The following TBC1D12 variants were observed in gnomAD, a reference collection of about 807,000 sequenced individuals.
TBC1D12 encodes TBC1 domain family, member 12.
In TBC1D12, 56 loss-of-function variants were observed where a neutral mutation model predicts 86.7. That is an observed-to-expected ratio of 0.65 (90% CI 0.52 to 0.81). TBC1D12 has a LOEUF of 0.81. Ranked by LOEUF, TBC1D12 falls within the 30% of genes least tolerant of loss-of-function variation. The pLI, the probability that TBC1D12 is intolerant of heterozygous loss-of-function variation, is 0.00. For missense variants in TBC1D12, 1,023 were observed against 1,038.8 expected, an observed-to-expected ratio of 0.98 and a Z score of 0.21; for synonymous variants, 421 against 411.7, an observed-to-expected ratio of 1.02 and a Z score of -0.27.
chr10:94,527,511 T>C (rs61075237), intron 11 of TBC1D12, among the ~76,000 whole-genome samples: 1 of 149,604 alleles, frequency 6.7e-6, no homozygotes, highest in African/African-American at 2.5e-5. Context: ...TTTTTTTTTT[T>C]ATGCTATTGA....
At chr10:94,480,655 C>G (rs2056063563) in intron 3 of TBC1D12, among the ~76,000 whole-genome samples, 1 of 151,416 alleles carries the variant, frequency 6.6e-6, no homozygotes, top group Non-Finnish European at 1.5e-5. Flanking sequence ...AGTTCAAGAC[C>G]AGCCTGGGCA....
chr10:94,505,049 TA>T (rs776378965), intron 6 of TBC1D12, among the ~76,000 whole-genome samples: 6 of 152,176 alleles, frequency 3.9e-5, no homozygotes, highest in Non-Finnish European at 7.3e-5. Flanking sequence ...ACCACATTTT[TA>T]TTATTAGATC....
chr10:94,506,160 C>G (rs1220235966), intron 6 of TBC1D12, among the ~76,000 whole-genome samples: 2 of 152,056 alleles, frequency 1.3e-5, no homozygotes, highest in African/African-American at 4.8e-5. Context: ...CCTCAGCCTC[C>G]CAAGTATCTG....
chr10:94,414,953 TATG>T (rs1367933427), intron 1 of TBC1D12, among the ~76,000 whole-genome samples: 1 of 152,214 alleles, frequency 6.6e-6, no homozygotes, highest in Non-Finnish European at 1.5e-5. Context: ...AGGTTGTTAG[TATG>T]ATAGTTTCAG....
At chr10:94,467,462 C>T (rs1232559686) in intron 2 of TBC1D12, among the ~76,000 whole-genome samples, 1 of 152,116 alleles carries the variant, frequency 6.6e-6, no homozygotes. Flanking sequence ...GAACTTCCGA[C>T]CTCAGGTGAG....
chr10:94,465,847 C>T (rs192637362), intron 2 of TBC1D12, among the ~76,000 whole-genome samples: 2 of 150,746 alleles, frequency 1.3e-5, no homozygotes, highest in Admixed American at 6.6e-5. Flanking sequence ...TACATATATA[C>T]GTACATGCAT....
chr10:94,430,504 A>T (rs977299041), intron 1 of TBC1D12, among the ~76,000 whole-genome samples: 2 of 152,218 alleles, frequency 1.3e-5, no homozygotes, highest in South Asian at 4.1e-4. Flanking sequence ...AATTTGCATG[A>T]TATCAATAAA....
At chr10:94,460,905 G>GT (rs1188787395) in intron 2 of TBC1D12, among the ~76,000 whole-genome samples, 1 of 151,780 alleles carries the variant, frequency 6.6e-6, no homozygotes, top group East Asian at 1.9e-4. Context: ...TTCTGTTCCA[G>GT]TTTTTTTAAT....
intron 9 of TBC1D12, among the ~76,000 whole-genome samples, chr10:94,520,304 G>A (rs1227729111): frequency 6.6e-6 from 1 of 152,008 alleles, no homozygotes; most frequent in African/African-American, 2.4e-5. Context: ...TGTAATCCCA[G>A]CACTTTGGGA....
Position 94,533,026 on chromosome 10 carries a change from AG to A in TBC1D12, c.2260del. On this transcript the variant is annotated splice_acceptor_variant, in intron 12 of 12. Coordinates refer to ENST00000225235, the MANE Select transcript of TBC1D12 (RefSeq NM_015188.2). LOFTEE classifies it high-confidence loss of function. ...TTAATCTTTATTTTATATAATTTTC[AG>A]GTCTTTGCATCTGTAATGAAGGATA... 1 of 1,529,296 alleles carries A rather than the reference AG, an allele frequency of 6.5e-7. No individual in the cohort carries two copies. The highest frequency in any genetic ancestry group is 9.0e-7 in the Non-Finnish European group (1 of 1,117,164). 94.7% of individuals were successfully genotyped at this position (1,529,296 alleles called of 1,614,324 possible).
At chr10:94,446,212 A>T (rs1385350014) in intron 2 of TBC1D12, among the ~76,000 whole-genome samples, 2 of 152,242 alleles carry the variant, frequency 1.3e-5, no homozygotes, top group African/African-American at 4.8e-5. Context: ...TGAATATAAA[A>T]CTGTATCTGA....
chr10:94,512,940 A>C (rs2056543503), intron 9 of TBC1D12, among the ~76,000 whole-genome samples: 1 of 152,178 alleles, frequency 6.6e-6, no homozygotes, highest in Non-Finnish European at 1.5e-5. Context: ...TTGACATCTT[A>C]TAGTTTTCTA....
At chr10:94,511,515 A>C (rs999764152) in intron 8 of TBC1D12, 68 bp from the exon 9 acceptor site, 13 of 948,918 alleles carry the variant, frequency 1.4e-5, no homozygotes, top group African/African-American at 1.6e-5. Flanking sequence ...GTTTATTAAC[A>C]TGTTATATGA....
chr10:94,440,046 A>G (rs186169434), intron 1 of TBC1D12, among the ~76,000 whole-genome samples: 90 of 152,368 alleles, frequency 5.9e-4, no homozygotes, highest in African/African-American at 1.9e-3. Context: ...GAAGTAGAGA[A>G]TTAAGTCACT....
chr10:94,466,442 A>G (rs1295692323), intron 2 of TBC1D12, among the ~76,000 whole-genome samples: 1 of 152,198 alleles, frequency 6.6e-6, no homozygotes, highest in East Asian at 1.9e-4. Context: ...ATGTATATAC[A>G]TACACACATA....
At chr10:94,512,214 T>G (rs2056536635) in intron 9 of TBC1D12, among the ~76,000 whole-genome samples, 1 of 152,250 alleles carries the variant, frequency 6.6e-6, no homozygotes, top group Non-Finnish European at 1.5e-5. Context: ...ACTTATTTAA[T>G]TTACAATTTC....
chr10:94,520,843 T>C (rs1047559228), intron 9 of TBC1D12, among the ~76,000 whole-genome samples: 12 of 152,078 alleles, frequency 7.9e-5, no homozygotes, highest in African/African-American at 2.6e-4. Context: ...GTATTTTTAG[T>C]AGAGACAGGG....
At chr10:94,438,927 C>CT (rs2055342361) in intron 1 of TBC1D12, among the ~76,000 whole-genome samples, 2 of 152,088 alleles carry the variant, frequency 1.3e-5, no homozygotes, top group Non-Finnish European at 2.9e-5. Context: ...TCTCAGCCTC[C>CT]TGAGTAGCTG....
intron 1 of TBC1D12, among the ~76,000 whole-genome samples, chr10:94,430,792 G>A (rs2055205683): frequency 6.6e-6 from 1 of 152,130 alleles, no homozygotes. Context: ...CCCCACATTA[G>A]CCTTTTCTTA....
Sources: allele counts gnomAD v4.1 joint callset (sites outside exome capture counted in the v4.1 genomes callset), GRCh38; gene constraint gnomAD v4.1.1; transcripts MANE v1.5; gene names NCBI Gene and HGNC (gene_info 2026-07-23, HGNC 2026-07-21).